ZCCHC10: variants seen among roughly 807,000 people sequenced by gnomAD.
ZCCHC10 encodes the protein zinc finger CCHC-type containing 10, also known as zinc finger CCHC domain-containing protein 10.
In ZCCHC10, 16 loss-of-function variants were observed where a neutral mutation model predicts 19.5. The ratio of observed to expected loss-of-function variants is 0.82; its 90% confidence interval spans 0.56 to 1.25. ZCCHC10 has a LOEUF of 1.25. Ranked by LOEUF, ZCCHC10 falls within the 50% of genes most tolerant of loss-of-function variation. ZCCHC10 has a pLI of 0.00. For missense variants in ZCCHC10, 197 were observed against 201.0 expected (o/e 0.98, Z 0.12); for synonymous variants, 67 against 72.5 (o/e 0.92, Z 0.38).
intron 2 of ZCCHC10, among the ~76,000 whole-genome samples, chr5:133,012,136 C>CAAA (rs1172354725): frequency 7.7e-4 from 57 of 74,406 alleles, no homozygotes; most frequent in Non-Finnish European, 8.9e-4. Flanking sequence ...GCCTCCATCT[C>CAAA]AAAAAAAAAA....
intron 2 of ZCCHC10, among the ~76,000 whole-genome samples, chr5:133,015,142 G>A (rs1446066667): frequency 5.4e-5 from 8 of 148,484 alleles, no homozygotes; most frequent in African/African-American, 1.8e-4. Flanking sequence ...GCAGTGGCGT[G>A]ATCTCAGCTC....
In ZCCHC10 at chr5:133,026,496, C is replaced by G. The variant is rs1764730229; in HGVS notation, c.41+1G>C. 1.2e-6 allele frequency: 2 copies of G among 1,613,634 alleles called. No homozygotes were observed. Among genetic ancestry groups the G allele is most frequent in the Non-Finnish European group, 1.7e-6 (2 of 1,179,936 alleles). On this transcript the variant is annotated splice_donor_variant, in intron 1 of 4. Coordinates refer to ENST00000509437, the MANE Select transcript of ZCCHC10 (RefSeq NM_001300816.3). LOFTEE classifies it high-confidence loss of function. ...TGGACCCGAACCGGATCCTTACTTA[C>G]GCTTGTCTCCGGGCTATTAGCCGAT... is the stretch of plus-strand genomic sequence containing the variant.
intron 2 of ZCCHC10, among the ~76,000 whole-genome samples, chr5:133,014,982 T>C (rs1166270881): frequency 6.6e-6 from 1 of 152,098 alleles, no homozygotes; most frequent in Middle Eastern, 3.2e-3. Context: ...TTGTATCCTA[T>C]CAGGTTAACA....
intron 2 of ZCCHC10, among the ~76,000 whole-genome samples, chr5:133,015,719 C>A (rs1434460263): frequency 6.6e-6 from 1 of 151,800 alleles, no homozygotes; most frequent in East Asian, 1.9e-4. Flanking sequence ...ATCACAACCA[C>A]ATGGGAGAGA....
At chr5:133,001,898 A>C (rs894012033) in intron 3 of ZCCHC10, among the ~76,000 whole-genome samples, 11 of 152,012 alleles carry the variant, frequency 7.2e-5, no homozygotes, top group Admixed American at 1.3e-4. Context: ...TTTGGGCATA[A>C]AATAAGAGGG....
At chr5:133,015,222 G>A (rs1320886288) in intron 2 of ZCCHC10, among the ~76,000 whole-genome samples, 1 of 151,816 alleles carries the variant, frequency 6.6e-6, no homozygotes, top group African/African-American at 2.4e-5. Context: ...GGGATTACAG[G>A]TGCGCACCAC....
intron 2 of ZCCHC10, among the ~76,000 whole-genome samples, chr5:133,012,854 T>C (rs1763646706): frequency 6.6e-6 from 1 of 151,934 alleles, no homozygotes; most frequent in Admixed American, 6.6e-5. Context: ...ATGGAGACCA[T>C]CCTGGCTAAC....
chr5:133,019,950 T>C (rs1482804958), intron 2 of ZCCHC10, among the ~76,000 whole-genome samples: 1 of 86,700 alleles, frequency 1.2e-5, no homozygotes, highest in African/African-American at 6.4e-5. Flanking sequence ...AGACTCCAGC[T>C]CAAAAAAAAA....
chr5:133,018,033 T>C (rs1283523807), intron 2 of ZCCHC10, among the ~76,000 whole-genome samples: 5 of 151,108 alleles, frequency 3.3e-5, no homozygotes, highest in African/African-American at 1.2e-4. Flanking sequence ...TAGTCCCAAC[T>C]GCGTGGGAGG....
At position 132,998,713 on chromosome 5, in the gene ZCCHC10, G is replaced by A. The variant is rs1762577021; in HGVS notation, c.449C>T (p.Ser150Phe). 6 of 1,614,142 alleles carry A rather than the reference G, an allele frequency of 3.7e-6. No individual in the cohort carries two copies. Among genetic ancestry groups the A allele is most frequent in the Non-Finnish European group, 5.1e-6 (6 of 1,180,020 alleles). Reference protein sequence around the residue: ...DTDESSSSSSSSASSTTSSSS... With the variant: ...DTDESSSSSSFSASSTTSSSS... ...GGAAGAGGTTGTGGAGGAGGCTGAG[G>A]ATGAGGAACTAGAGGAGCTTTCATC... The change falls in exon 5 of 5, where the codon TCC becomes TTC. Residue 150 changes from serine to phenylalanine, a missense_variant. Transcript: ENST00000509437.
At chr5:133,007,986 G>A (rs1353393681) in intron 2 of ZCCHC10, among the ~76,000 whole-genome samples, 1 of 152,074 alleles carries the variant, frequency 6.6e-6, no homozygotes, top group Admixed American at 6.6e-5. Context: ...AGCACTTTGG[G>A]AGGCTAAGGC....
At chr5:133,003,670 T>G (rs1385424529) in intron 3 of ZCCHC10, among the ~76,000 whole-genome samples, 1 of 152,106 alleles carries the variant, frequency 6.6e-6, no homozygotes, top group Non-Finnish European at 1.5e-5. Flanking sequence ...GTATAAATTT[T>G]AATAACTATT....
chr5:133,009,613 C>CAAAAAAAAAAAAAAAAAAAAAAAAAAAA (rs59555378), intron 2 of ZCCHC10, among the ~76,000 whole-genome samples: 4 of 55,522 alleles, frequency 7.2e-5, no homozygotes, highest in Non-Finnish European at 1.4e-4. Context: ...GACTCCGTCT[C>CAAAAAAAAAAAAAAAAAAAAAAAAAAAA]AAAAAAAAAA....
intron 2 of ZCCHC10, among the ~76,000 whole-genome samples, chr5:133,007,851 T>G (rs959635872): frequency 1.3e-5 from 2 of 152,196 alleles, no homozygotes; most frequent in Non-Finnish European, 2.9e-5. Context: ...GTTCCAGTTA[T>G]GTGAGACTAG....
intron 2 of ZCCHC10, among the ~76,000 whole-genome samples, chr5:133,012,435 T>C (rs1763616876): frequency 6.7e-6 from 1 of 148,724 alleles, no homozygotes; most frequent in Non-Finnish European, 1.5e-5. Flanking sequence ...ACAACTGCAC[T>C]CCAGCCTAGG....
At chr5:133,012,789 G>A (rs909158581) in intron 2 of ZCCHC10, among the ~76,000 whole-genome samples, 3 of 151,946 alleles carry the variant, frequency 2.0e-5, no homozygotes, top group South Asian at 2.1e-4. Flanking sequence ...GGTGGCTCAC[G>A]CCTGTAATCC....
intron 1 of ZCCHC10, 32 bp downstream of exon 1, chr5:133,026,465 C>G (rs778561368): frequency 6.2e-7 from 1 of 1,612,178 alleles, no homozygotes; most frequent in South Asian, 1.1e-5. Context: ...GCTCCCAGCC[C>G]TCCAGTGGAC....
At chr5:133,001,308 T>C (rs572854691) in intron 3 of ZCCHC10, among the ~76,000 whole-genome samples, 12 of 151,954 alleles carry the variant, frequency 7.9e-5, no homozygotes, top group African/African-American at 2.7e-4. Context: ...GGAGAATCTC[T>C]TGAACCTGGG....
At chr5:133,003,331 A>T (rs544636034) in intron 3 of ZCCHC10, 1 of 414,048 alleles carries the variant, frequency 2.4e-6, no homozygotes, top group African/African-American at 2.0e-5. Context: ...AATGTGGATT[A>T]CAGCAAATTG....
Sources: allele counts gnomAD v4.1 joint callset (sites outside exome capture counted in the v4.1 genomes callset), GRCh38; gene constraint gnomAD v4.1.1; transcripts MANE v1.5; gene names NCBI Gene and HGNC (gene_info 2026-07-23, HGNC 2026-07-21).